The following TYW1 variants were observed in gnomAD, a reference collection of about 807,000 sequenced individuals.
TYW1 encodes the protein tRNA-yW synthesizing protein 1 homolog.
In TYW1, 46 loss-of-function variants were observed where a neutral mutation model predicts 96.2. The observed-to-expected ratio is 0.48, with a 90% CI of 0.38 to 0.61. TYW1 has a LOEUF of 0.61. Ranked by LOEUF, TYW1 falls within the 20% of genes least tolerant of loss-of-function variation. The pLI is 0.00. For missense variants in TYW1, 684 were observed against 909.6 expected, an observed-to-expected ratio of 0.75 and a Z score of 3.19; for synonymous variants, 274 against 323.0, an observed-to-expected ratio of 0.85 and a Z score of 1.63.
chr7:67,145,902 G>A (rs1210479675), intron 13 of TYW1, among the ~76,000 whole-genome samples: 4 of 151,886 alleles, frequency 2.6e-5, no homozygotes, highest in African/African-American at 4.8e-5. Flanking sequence ...CTACAGGTGC[G>A]TGCCACCATG....
Position 67,098,550 on chromosome 7 carries a change from G to A in TYW1, c.1394G>A (p.Gly465Asp), listed in dbSNP as rs1337326692. 6.3e-7 allele frequency: 1 copy of A among 1,576,528 alleles called. No individual in the cohort carries two copies. The highest frequency in any genetic ancestry group is 1.4e-5 in the African/African-American group (1 of 73,902). Residue 465 changes from glycine to aspartate, a missense_variant, in exon 12 of 16, where the codon GGC (glycine) becomes GAC (aspartate). Physicochemically the swap from Gly to Asp is moderately conservative, Grantham distance 94. Transcript: ENST00000359626. ...TCACTGTATTCTCCAGGAGTACCGG[G>A]CGTCAAAGCAGAACGCTTTGAAGAA... Reference protein sequence around the residue: ...NMIKQFKGVPGVKAERFEEGM... With the variant: ...NMIKQFKGVPDVKAERFEEGM...
At chr7:67,225,489 C>G (rs1252863652) in intron 15 of TYW1, among the ~76,000 whole-genome samples, 1 of 152,130 alleles carries the variant, frequency 6.6e-6, no homozygotes, top group Non-Finnish European at 1.5e-5. Flanking sequence ...GATAATAAAA[C>G]TTGTAGTCTG....
intron 13 of TYW1, among the ~76,000 whole-genome samples, chr7:67,119,878 C>G (rs1040653229): frequency 7.9e-5 from 12 of 152,144 alleles, no homozygotes; most frequent in Admixed American, 5.9e-4. Context: ...GCCTCCAACT[C>G]CTGGGCCCAA....
intron 15 of TYW1, among the ~76,000 whole-genome samples, chr7:67,222,866 C>CTTTTTTTT (rs570972265): frequency 6.9e-3 from 749 of 108,830 alleles, no homozygotes; most frequent in East Asian, 0.01. Context: ...CGCTTTTTTT[C>CTTTTTTTT]TTTTTTTTTT....
At chr7:67,079,820 A>T (rs1324927164) in intron 10 of TYW1, among the ~76,000 whole-genome samples, 1 of 151,978 alleles carries the variant, frequency 6.6e-6, no homozygotes, top group Non-Finnish European at 1.5e-5. Context: ...TACATATTTA[A>T]ATTTTTTTCT....
intron 12 of TYW1, among the ~76,000 whole-genome samples, chr7:67,113,456 C>G (rs1020430877): frequency 6.6e-6 from 1 of 152,158 alleles, no homozygotes; most frequent in African/African-American, 2.4e-5. Context: ...TCCGTATTCT[C>G]TTGGATTTTT....
intron 13 of TYW1, among the ~76,000 whole-genome samples, chr7:67,137,594 G>A (rs1798305700): frequency 6.6e-6 from 1 of 152,234 alleles, no homozygotes; most frequent in African/African-American, 2.4e-5. Context: ...CTTAGTTGGA[G>A]TGGAATGATT....
intron 7 of TYW1, among the ~76,000 whole-genome samples, chr7:67,036,759 C>G (rs549681325): frequency 6.6e-6 from 1 of 152,294 alleles, no homozygotes; most frequent in African/African-American, 2.4e-5. Context: ...GATTCTTCAG[C>G]GGAAAAGGAA....
rs191255879 is a variant in TYW1, at chr7:67,017,820, C to T, written c.571-33C>T. The stretch of plus-strand genomic sequence containing the variant: ...TCTGGAAAACCCTGATTTAGAGAAC[C>T]GTGCTTTTAGCCTATCTATCTTTTC... On this transcript the variant is annotated intron_variant, in intron 5 of 15. Coordinates refer to ENST00000359626, the MANE Select transcript of TYW1 (RefSeq NM_018264.4). 1.5e-4 allele frequency: 230 copies of T among 1,585,528 alleles called. 1 individual carries two copies. In the Middle Eastern group the frequency reaches 4.6e-3, roughly 32 times the overall value.
intron 15 of TYW1, among the ~76,000 whole-genome samples, chr7:67,210,764 G>GTCTGTCCATCCATCCATCCATCCATCCA (rs1554394271): frequency 2.8e-5 from 4 of 143,988 alleles, no homozygotes; most frequent in African/African-American, 1.1e-4. Context: ...TCGTCTGTCC[G>GTCTGTCCATCCATCCATCCATCCATCCA]TCCATCCATC....
chr7:67,207,822 G>A (rs1800862294), intron 15 of TYW1, among the ~76,000 whole-genome samples: 1 of 148,318 alleles, frequency 6.7e-6, no homozygotes, highest in Admixed American at 6.9e-5. Context: ...CCAGGTTCAA[G>A]TGATTCTCCT....
At chr7:66,997,378 C>G (rs994962872) in intron 1 of TYW1, among the ~76,000 whole-genome samples, 1 of 152,018 alleles carries the variant, frequency 6.6e-6, no homozygotes, top group East Asian at 1.9e-4. Context: ...CAAGTTTAAC[C>G]GTGAGCCTTT....
intron 7 of TYW1, among the ~76,000 whole-genome samples, chr7:67,026,412 C>T (rs1169692893): frequency 6.6e-6 from 1 of 152,154 alleles, no homozygotes; most frequent in Admixed American, 6.6e-5. Context: ...CTTAAACCTA[C>T]GTTGGAAAAC....
At chr7:67,192,867 A>T (rs561199045) in intron 14 of TYW1, among the ~76,000 whole-genome samples, 69 of 152,328 alleles carry the variant, frequency 4.5e-4, no homozygotes, top group African/African-American at 1.7e-3. Context: ...TTATTAGGGG[A>T]TGGATTCTCA....
At chr7:67,102,844 G>A (rs985414345) in intron 12 of TYW1, among the ~76,000 whole-genome samples, 2 of 151,452 alleles carry the variant, frequency 1.3e-5, no homozygotes, top group Admixed American at 1.3e-4. Context: ...GTAGAGACGG[G>A]TTTCACCGTG....
chr7:67,180,864 G>A (rs1002012049), intron 13 of TYW1, among the ~76,000 whole-genome samples: 8 of 151,970 alleles, frequency 5.3e-5, no homozygotes, highest in Non-Finnish European at 7.4e-5. Context: ...GGCTGGCCTC[G>A]AACTCCTGAC....
chr7:67,098,561 G>A lies in TYW1; in HGVS notation c.1405G>A (p.Glu469Lys). ...TCCAGGAGTACCGGGCGTCAAAGCA[G>A]AACGCTTTGAAGAAGGAATGACGGT... ...QFKGVPGVKAERFEEGMTVKH... is the reference protein window; with the variant it reads ...QFKGVPGVKAKRFEEGMTVKH... Residue 469 changes from glutamate to lysine, a missense_variant, in exon 12 of 16, where the codon GAA becomes AAA. Glu to Lys is a moderately conservative substitution (Grantham distance 56). Coordinates refer to ENST00000359626, the MANE Select transcript of TYW1 (RefSeq NM_018264.4). 6.3e-7 allele frequency: 1 copy of A among 1,592,928 alleles called. No individual in the cohort carries two copies. The highest frequency in any genetic ancestry group is 8.6e-7 in the Non-Finnish European group (1 of 1,166,308).
At chr7:67,234,505 C>G (rs977325767) in intron 15 of TYW1, among the ~76,000 whole-genome samples, 2 of 152,108 alleles carry the variant, frequency 1.3e-5, no homozygotes, top group Non-Finnish European at 2.9e-5. Context: ...GAAACTGAGC[C>G]AGAACCTTGG....
At chr7:67,053,734 C>G (rs1380095946) in intron 8 of TYW1, among the ~76,000 whole-genome samples, 1 of 152,178 alleles carries the variant, frequency 6.6e-6, no homozygotes. Context: ...TGTTTCTTCT[C>G]TAAATGTCTA....
Sources: gnomAD v4.1 joint callset for allele counts (sites outside exome capture counted in the v4.1 genomes callset) on GRCh38, gnomAD v4.1.1 for gene constraint, MANE v1.5 for transcripts, NCBI Gene and HGNC (gene_info 2026-07-23, HGNC 2026-07-21) for gene names.